PRKN: variants seen among roughly 807,000 people sequenced by gnomAD.
PRKN encodes E3 ubiquitin-protein ligase parkin.
Under a neutral mutation model 59.5 loss-of-function variants are expected in PRKN, and 56 were observed. That is an observed-to-expected ratio of 0.94 (90% CI 0.76 to 1.18). The LOEUF (loss-of-function observed/expected upper bound fraction) is 1.18, where lower values mean the gene tolerates loss of function less well. Ranked by LOEUF, PRKN falls within the 50% of genes most tolerant of loss-of-function variation. PRKN has a pLI of 0.00. For synonymous variants in PRKN, 250 were observed against 222.1 expected, an observed-to-expected ratio of 1.13 and a Z score of -1.12; for missense variants, 657 against 596.4, an observed-to-expected ratio of 1.10 and a Z score of -1.06.
intron 2 of PRKN, among the ~76,000 whole-genome samples, chr6:162,423,459 G>T (rs1326820785): frequency 6.6e-6 from 1 of 151,970 alleles, no homozygotes; most frequent in African/African-American, 2.4e-5. Flanking sequence ...TCTAGACAAA[G>T]TTTAGGTGCT....
intron 1 of PRKN, among the ~76,000 whole-genome samples, chr6:162,532,823 G>A (rs6941224): frequency 1.3e-5 from 2 of 152,118 alleles, no homozygotes; most frequent in African/African-American, 4.8e-5. Flanking sequence ...TACTGTAGAC[G>A]TCACTGAAAA....
At chr6:162,283,251 T>G (rs1781001630) in intron 2 of PRKN, among the ~76,000 whole-genome samples, 1 of 152,202 alleles carries the variant, frequency 6.6e-6, no homozygotes, top group Admixed American at 6.5e-5. Context: ...ATATTTGTGC[T>G]TTCTAACTTT....
chr6:162,727,683 T>C lies in PRKN; in HGVS notation c.-15A>G. 6.3e-7 allele frequency: 1 copy of C among 1,575,372 alleles called. No homozygotes were observed. The highest frequency in any genetic ancestry group is 8.6e-7 in the Non-Finnish European group (1 of 1,161,820). On this transcript the variant is annotated 5_prime_UTR_variant, in exon 1 of 12. Transcript: ENST00000366898. ...GTACCTATCATGGTCACTGGGTAGG[T>C]GGCGGCTGCGGGCCAGGAACAGGCC...
At chr6:161,680,773 A>ATTTTTTTTTT (rs1486863145) in intron 7 of PRKN, among the ~76,000 whole-genome samples, 2 of 19,678 alleles carry the variant, frequency 1.0e-4, no homozygotes, top group Non-Finnish European at 2.2e-4. Context: ...ATATATATAT[A>ATTTTTTTTTT]TATTTTTTTT....
intron 2 of PRKN, among the ~76,000 whole-genome samples, chr6:162,365,198 T>C (rs1436282555): frequency 6.6e-6 from 1 of 152,118 alleles, no homozygotes; most frequent in Non-Finnish European, 1.5e-5. Flanking sequence ...CATCCCCACC[T>C]CTGAATTTCA....
intron 1 of PRKN, among the ~76,000 whole-genome samples, chr6:162,699,353 A>G (rs2023037): frequency 0.82 from 124,031 of 152,080 alleles, 50,803 homozygotes; most frequent in East Asian, 0.98. Flanking sequence ...AGCCAAAAAC[A>G]TCTACCAAAT....
chr6:161,674,135 C>G (rs1188976029), intron 7 of PRKN, among the ~76,000 whole-genome samples: 1 of 152,074 alleles, frequency 6.6e-6, no homozygotes, highest in Admixed American at 6.6e-5. Context: ...GGGTCTAAGA[C>G]TAAGCCCCAG....
At chr6:161,464,247 C>T (rs1790341620) in intron 9 of PRKN, among the ~76,000 whole-genome samples, 1 of 152,168 alleles carries the variant, frequency 6.6e-6, no homozygotes, top group East Asian at 1.9e-4. Context: ...CTCCCGACCT[C>T]AGGTAATCTG....
chr6:162,317,670 T>G (rs1782808435), intron 2 of PRKN, among the ~76,000 whole-genome samples: 1 of 152,026 alleles, frequency 6.6e-6, no homozygotes, highest in African/African-American at 2.4e-5. Flanking sequence ...GAAAGTAGTC[T>G]GCCTGAAGGA....
At chr6:161,596,625 C>CA (rs1338487064) in intron 7 of PRKN, among the ~76,000 whole-genome samples, 5 of 152,056 alleles carry the variant, frequency 3.3e-5, no homozygotes, top group East Asian at 1.9e-4. Flanking sequence ...TTAGCACACA[C>CA]AAAAAAAGCC....
chr6:161,769,220 TGA>T (rs1232904111), intron 7 of PRKN, among the ~76,000 whole-genome samples: 1 of 152,216 alleles, frequency 6.6e-6, no homozygotes, highest in East Asian at 1.9e-4. Context: ...GTTTCCCGTG[TGA>T]GTCACGCGTT....
At chr6:162,400,574 A>G (rs1787742139) in intron 2 of PRKN, among the ~76,000 whole-genome samples, 1 of 152,138 alleles carries the variant, frequency 6.6e-6, no homozygotes, top group South Asian at 2.1e-4. Context: ...TTTGGAAAAA[A>G]CCGAACTATC....
intron 10 of PRKN, among the ~76,000 whole-genome samples, chr6:161,364,942 A>C (rs1243168407): frequency 1.3e-5 from 2 of 152,154 alleles, no homozygotes; most frequent in Non-Finnish European, 2.9e-5. Flanking sequence ...AAAAAAAAAA[A>C]AAAATCAGAG....
At chr6:162,043,108 C>T (rs1360331305) in intron 5 of PRKN, among the ~76,000 whole-genome samples, 1 of 152,130 alleles carries the variant, frequency 6.6e-6, no homozygotes. Flanking sequence ...AAAGCAGAAA[C>T]CCCTGATAAA....
At chr6:162,697,636 G>A (rs1007842988) in intron 1 of PRKN, among the ~76,000 whole-genome samples, 1 of 152,058 alleles carries the variant, frequency 6.6e-6, no homozygotes, top group African/African-American at 2.4e-5. Flanking sequence ...GTCAAAAGTT[G>A]GGAAGCATCT....
chr6:162,271,585 TAATGGCTAAGAACTA>T (rs1160604047), intron 2 of PRKN: 1 of 152,026 alleles, frequency 6.6e-6, no homozygotes, highest in Non-Finnish European at 1.5e-5. Flanking sequence ...TTTTTTAATG[TAATGGCTAAGAACTA>T]TTTTGTTTGG....
At chr6:162,579,257 A>G (rs1780686178) in intron 1 of PRKN, among the ~76,000 whole-genome samples, 1 of 152,184 alleles carries the variant, frequency 6.6e-6, no homozygotes, top group Non-Finnish European at 1.5e-5. Flanking sequence ...ACTTAGAATG[A>G]CTTTTCAAAT....
At chr6:161,777,847 T>C (rs1790016427) in intron 7 of PRKN, among the ~76,000 whole-genome samples, 1 of 145,590 alleles carries the variant, frequency 6.9e-6, no homozygotes, top group Non-Finnish European at 1.5e-5. Flanking sequence ...CGTATATATG[T>C]ATATATGTGT....
intron 1 of PRKN, among the ~76,000 whole-genome samples, chr6:162,455,892 T>G (rs1469371329): frequency 6.6e-6 from 1 of 152,094 alleles, no homozygotes; most frequent in Non-Finnish European, 1.5e-5. Context: ...AATGATAGAA[T>G]GGCAAGAAAA....
Sources: gnomAD v4.1 joint callset for allele counts (sites outside exome capture counted in the v4.1 genomes callset) on GRCh38, gnomAD v4.1.1 for gene constraint, MANE v1.5 for transcripts, NCBI Gene and HGNC (gene_info 2026-07-23, HGNC 2026-07-21) for gene names.